FARS2: variants seen among roughly 807,000 people sequenced by gnomAD.
FARS2 encodes phenylalanyl-tRNA synthetase 2, mitochondrial.
In FARS2, 40 loss-of-function variants were observed where a neutral mutation model predicts 46.4. That is an observed-to-expected ratio of 0.86 (90% CI 0.67 to 1.12). FARS2 has a LOEUF of 1.12. Ranked by LOEUF, FARS2 falls within the 50% of genes most tolerant of loss-of-function variation. The pLI is 0.00. For synonymous variants in FARS2, 234 were observed against 214.9 expected, an observed-to-expected ratio of 1.09 and a Z score of -0.78; for missense variants, 513 against 567.9, an observed-to-expected ratio of 0.90 and a Z score of 0.98.
intron 1 of FARS2, among the ~76,000 whole-genome samples, chr6:5,282,499 A>T (rs1766807184): frequency 6.6e-6 from 1 of 152,190 alleles, no homozygotes; most frequent in Non-Finnish European, 1.5e-5. Flanking sequence ...GACAATCATG[A>T]CATGGGCATT....
At position 5,619,563 on chromosome 6, in the gene FARS2, A is replaced by G. The variant is rs1222186536; in HGVS notation, c.1217+6243A>G. Among the ~76,000 whole-genome samples the G allele has an allele frequency of 2.6e-5, 4 of 152,060 alleles. No individual in the cohort carries two copies. The East Asian group carries it at 7.7e-4, about 29-fold the overall frequency. On this transcript the variant is annotated intron_variant, in intron 6 of 6. Transcript: ENST00000274680. Reference sequence around the variant, plus strand: ...GGGCCTCTCAGTTCTCTTCATCCCTACTTGAACTTCCTCATGGTTATATTC... The same window carrying G: ...GGGCCTCTCAGTTCTCTTCATCCCTGCTTGAACTTCCTCATGGTTATATTC...
chr6:5,726,269 C>T lies in FARS2; in HGVS notation c.1218-45022C>T, dbSNP rs188673554. 1.8e-4 allele frequency among the ~76,000 whole-genome samples: 27 copies of T among 152,194 alleles called. No individual in the cohort carries two copies. The East Asian group carries it at 4.4e-3, about 25-fold the overall frequency. On this transcript the variant is annotated intron_variant, in intron 6 of 6. Transcript: ENST00000274680. ...CATGTTTGAGGCCATGCTGCCCACG[C>T]GTAGACTTGGGGAAGGAATTTGCAG...
At chr6:5,614,508 C>T (rs1017090243) in intron 6 of FARS2, among the ~76,000 whole-genome samples, 2 of 151,490 alleles carry the variant, frequency 1.3e-5, no homozygotes, top group African/African-American at 4.9e-5. Context: ...CTCCCAGGTT[C>T]ACGCCGTTCT....
intron 1 of FARS2, among the ~76,000 whole-genome samples, chr6:5,303,909 A>G (rs1373065444): frequency 6.6e-6 from 1 of 151,970 alleles, no homozygotes; most frequent in Admixed American, 6.6e-5. Flanking sequence ...ATCATTGACC[A>G]AGTACGCAAC....
At chr6:5,578,834 C>CA (rs111917443) in intron 5 of FARS2, among the ~76,000 whole-genome samples, 9 of 140,606 alleles carry the variant, frequency 6.4e-5, no homozygotes, top group South Asian at 4.4e-4. Flanking sequence ...AAAAAAAAAA[C>CA]AAAAAAAAAA....
chr6:5,482,516 G>A (rs1561652600), intron 4 of FARS2, among the ~76,000 whole-genome samples: 1 of 152,138 alleles, frequency 6.6e-6, no homozygotes, highest in South Asian at 2.1e-4. Context: ...GATTTCTAGG[G>A]ATGCTCTTGT....
chr6:5,396,356 C>T (rs190978401), intron 2 of FARS2, among the ~76,000 whole-genome samples: 30 of 152,242 alleles, frequency 2.0e-4, no homozygotes, highest in South Asian at 1.0e-3. Context: ...GCCTTCATCC[C>T]TTCAGAGATT....
intron 1 of FARS2, among the ~76,000 whole-genome samples, chr6:5,349,997 C>T (rs565574382): frequency 6.6e-6 from 1 of 151,970 alleles, no homozygotes; most frequent in African/African-American, 2.4e-5. Context: ...CTTTGATCAC[C>T]TGGCAGTGTA....
intron 4 of FARS2, among the ~76,000 whole-genome samples, chr6:5,472,195 T>C (rs376150238): frequency 6.6e-6 from 1 of 152,200 alleles, no homozygotes; most frequent in Admixed American, 6.5e-5. Context: ...GTGGTGCTTC[T>C]GGAGCCTGTG....
At chr6:5,758,479 A>T (rs2150974117) in intron 6 of FARS2, among the ~76,000 whole-genome samples, 1 of 152,274 alleles carries the variant, frequency 6.6e-6, no homozygotes, top group South Asian at 2.1e-4. Flanking sequence ...CCTCACTGTA[A>T]AACAGGGCTA....
At chr6:5,748,142 C>T (rs781025053) in intron 6 of FARS2, among the ~76,000 whole-genome samples, 8 of 152,162 alleles carry the variant, frequency 5.3e-5, no homozygotes, top group African/African-American at 1.2e-4. Flanking sequence ...CCTCTCCCCT[C>T]GGCTTCCCAT....
At chr6:5,567,624 T>C (rs1304864179) in intron 5 of FARS2, among the ~76,000 whole-genome samples, 2 of 152,244 alleles carry the variant, frequency 1.3e-5, no homozygotes, top group African/African-American at 4.8e-5. Flanking sequence ...CCCTAGGTCC[T>C]ACATGTTAAG....
At chr6:5,596,616 T>C (rs1162854183) in intron 5 of FARS2, among the ~76,000 whole-genome samples, 1 of 152,218 alleles carries the variant, frequency 6.6e-6, no homozygotes, top group African/African-American at 2.4e-5. Flanking sequence ...TAGGATTTAT[T>C]TGATGGAACA....
At chr6:5,672,368 G>A (rs1177653239) in intron 6 of FARS2, among the ~76,000 whole-genome samples, 1 of 152,180 alleles carries the variant, frequency 6.6e-6, no homozygotes, top group African/African-American at 2.4e-5. Flanking sequence ...CTGCAGAACC[G>A]TCTGCCTCTC....
chr6:5,419,312 C>T (rs1459206771), intron 3 of FARS2, among the ~76,000 whole-genome samples: 3 of 152,192 alleles, frequency 2.0e-5, no homozygotes, highest in Non-Finnish European at 4.4e-5. Flanking sequence ...ATCTAAAACA[C>T]ACTTATTTTA....
rs535963950 is a variant in FARS2 at position 5,739,033 on chromosome 6, A to C, written c.1218-32258A>C. ...TATCACACCTGCTCTCCTTACCCCCACCATCACTACCCTCTGGCACCTACT... is the reference window on the plus strand; with the variant it reads ...TATCACACCTGCTCTCCTTACCCCCCCCATCACTACCCTCTGGCACCTACT... On this transcript the variant is annotated intron_variant, in intron 6 of 6. Transcript: ENST00000274680. Among the ~76,000 whole-genome samples, 4 of 152,138 alleles carry C rather than the reference A, an allele frequency of 2.6e-5. No individual in the cohort carries two copies. The East Asian group carries it at 5.8e-4, about 22-fold the overall frequency.
chr6:5,753,982 CTTT>C (rs966159105), intron 6 of FARS2, among the ~76,000 whole-genome samples: 7 of 152,148 alleles, frequency 4.6e-5, no homozygotes, highest in African/African-American at 1.7e-4. Flanking sequence ...TTACTTTTTT[CTTT>C]TTAAGTAACA....
chr6:5,410,922 C>T (rs939845069), intron 3 of FARS2, among the ~76,000 whole-genome samples: 1 of 152,092 alleles, frequency 6.6e-6, no homozygotes, highest in African/African-American at 2.4e-5. Flanking sequence ...ATGCAGGAAC[C>T]TAGACACAGA....
At chr6:5,348,003 T>C (rs1354461408) in intron 1 of FARS2, among the ~76,000 whole-genome samples, 2 of 152,224 alleles carry the variant, frequency 1.3e-5, no homozygotes, top group African/African-American at 4.8e-5. Flanking sequence ...TTTGTTCAAA[T>C]CTTTTATTGA....
Sources: allele counts gnomAD v4.1 joint callset (sites outside exome capture counted in the v4.1 genomes callset), GRCh38; gene constraint gnomAD v4.1.1; transcripts MANE v1.5; gene names NCBI Gene and HGNC (gene_info 2026-07-23, HGNC 2026-07-21).